The following KCNJ12 variants were observed in gnomAD, a reference collection of about 807,000 sequenced individuals.
KCNJ12 encodes potassium inwardly rectifying channel subfamily J member 12.
In KCNJ12, 2 loss-of-function variants were observed where a neutral mutation model predicts 22.3. The ratio of observed to expected loss-of-function variants is 0.09; its 90% CI spans 0.04 to 0.28. The LOEUF is 0.28. Ranked by LOEUF, KCNJ12 falls within the 10% of genes least tolerant of loss-of-function variation. The probability of loss-of-function intolerance (pLI) is 1.00; values close to 1 mark genes in which losing one functional copy is unlikely to be tolerated. For missense variants in KCNJ12, 155 were observed against 633.3 expected (o/e 0.24, Z 8.11); for synonymous variants, 117 against 261.4 (o/e 0.45, Z 5.33).
intron 1 of KCNJ12, among the ~76,000 whole-genome samples, chr17:21,392,495 G>C (rs1905234189): frequency 6.6e-6 from 1 of 152,396 alleles, no homozygotes; most frequent in East Asian, 1.9e-4. Flanking sequence ...CAGGGGCCCA[G>C]CTGGTCCCCA....
At chr17:21,387,998 C>T (rs1480955449) in intron 1 of KCNJ12, among the ~76,000 whole-genome samples, 1 of 152,188 alleles carries the variant, frequency 6.6e-6, no homozygotes, top group Non-Finnish European at 1.5e-5. Context: ...TCCCCCACTG[C>T]TGAGGCCACC....
chr17:21,418,225 G>T lies in KCNJ12; in HGVS notation c.*1581G>T, dbSNP rs1233755889. ...TGCGGAGAAAACCTGCTCTCTTCTA[G>T]TCGGGCTTCTCCAGAAGCCAGTAAT... On this transcript the variant is annotated 3_prime_UTR_variant, in exon 3 of 3. Transcript: ENST00000583088. 3 of 167,042 alleles carry T rather than the reference G, an allele frequency of 1.8e-5. No homozygotes were observed. Among genetic ancestry groups the T allele is most frequent in the African/African-American group, 7.2e-5 (3 of 41,398 alleles). The allele number at this position is 167,042 out of a possible 1,614,324, so 10.3% of individuals were successfully genotyped here. A position where few individuals can be genotyped will look rare whatever the true frequency, so the allele number is the denominator to read the frequency against.
intron 1 of KCNJ12, among the ~76,000 whole-genome samples, chr17:21,377,169 C>G (rs1904685743): frequency 6.6e-6 from 1 of 152,230 alleles, no homozygotes; most frequent in Non-Finnish European, 1.5e-5. Context: ...TTGCTCCTGG[C>G]TAACCTTCGT....
intron 1 of KCNJ12, among the ~76,000 whole-genome samples, chr17:21,382,732 C>T (rs1319440312): frequency 1.3e-5 from 2 of 152,050 alleles, no homozygotes; most frequent in South Asian, 4.1e-4. Context: ...TGGTCCTGGG[C>T]CTCAGCCAGG....
chr17:21,406,840 G>A (rs1177631700), intron 1 of KCNJ12, among the ~76,000 whole-genome samples: 1 of 152,306 alleles, frequency 6.6e-6, no homozygotes, highest in Non-Finnish European at 1.5e-5. Context: ...TGAACTCCCT[G>A]GCTGGGAGGT....
rs1413033772 is a variant in KCNJ12 at position 21,419,610 on chromosome 17, T to A, written c.*2966T>A. The stretch of plus-strand genomic sequence containing the variant: ...GTGTCTGTGTGCAGCCTATGCCTGC[T>A]GCTCAGAGCACGGTGGCCACCCCCT... On this transcript the variant is annotated 3_prime_UTR_variant, in exon 3 of 3. Coordinates refer to ENST00000583088, the MANE Select transcript of KCNJ12 (RefSeq NM_021012.5). 3 of 167,526 alleles carry A rather than the reference T, an allele frequency of 1.8e-5. No homozygotes were observed. Among genetic ancestry groups the A allele is most frequent in the East Asian group, 3.9e-4 (2 of 5,182 alleles). The allele number at this position is 167,526 out of a possible 1,614,324, so 10.4% of individuals were successfully genotyped here.
chr17:21,391,579 C>T (rs543015870), intron 1 of KCNJ12, among the ~76,000 whole-genome samples: 12 of 152,376 alleles, frequency 7.9e-5, no homozygotes, highest in African/African-American at 2.6e-4. Flanking sequence ...TTGCGGCGCT[C>T]CGCCCAGCCC....
intron 1 of KCNJ12, among the ~76,000 whole-genome samples, chr17:21,403,182 A>G (rs556805248): frequency 1.3e-5 from 2 of 152,424 alleles, no homozygotes; most frequent in African/African-American, 4.8e-5. Flanking sequence ...TTTCATGGTG[A>G]GGGGCGAGCT....
chr17:21,407,148 C>G (rs1314658360), intron 1 of KCNJ12, among the ~76,000 whole-genome samples: 1 of 152,422 alleles, frequency 6.6e-6, no homozygotes. Context: ...CATCTACCCA[C>G]TCATCACCCA....
intron 2 of KCNJ12, among the ~76,000 whole-genome samples, chr17:21,409,413 C>T (rs1460101625): frequency 4.9e-3 from 748 of 151,624 alleles, no homozygotes; most frequent in Admixed American, 0.038. Context: ...GCCCAGGAGA[C>T]AAAGGTTCCA....
intron 1 of KCNJ12, among the ~76,000 whole-genome samples, chr17:21,383,489 C>T (rs1210722561): frequency 1.3e-5 from 2 of 152,162 alleles, no homozygotes; most frequent in African/African-American, 2.4e-5. Context: ...AGATGGAGAC[C>T]TGGGGCTTCC....
chr17:21,397,508 C>T (rs1339851234), intron 1 of KCNJ12, among the ~76,000 whole-genome samples: 3 of 152,218 alleles, frequency 2.0e-5, no homozygotes, highest in African/African-American at 4.8e-5. Context: ...GTCTGTGGGT[C>T]GTCCTCCCGC....
intron 1 of KCNJ12, among the ~76,000 whole-genome samples, chr17:21,404,395 G>A (rs4997622): frequency 0.014 from 2,033 of 143,504 alleles, 2 homozygotes; most frequent in Non-Finnish European, 0.023. Context: ...TAGACACCTC[G>A]CCTGGGCTCC....
At chr17:21,411,429 G>C in intron 2 of KCNJ12, among the ~76,000 whole-genome samples, 1 of 152,210 alleles carries the variant, frequency 6.6e-6, no homozygotes, top group Non-Finnish European at 1.5e-5. Flanking sequence ...TCTCCCTCCT[G>C]GGTTTGCTTC....
intron 1 of KCNJ12, among the ~76,000 whole-genome samples, chr17:21,395,318 C>T (rs546674841): frequency 4.9e-5 from 7 of 143,620 alleles, no homozygotes; most frequent in Non-Finnish European, 7.5e-5. Context: ...AAAAAAACGG[C>T]GCACAGTGAC....
rs530139888 is a variant in KCNJ12, at chr17:21,376,417, G to C, written c.-675G>C. The C allele has an allele frequency of 6.6e-6, 1 of 151,912 alleles. No homozygotes were observed. Among genetic ancestry groups the C allele is most frequent in the East Asian group, 2.0e-4 (1 of 5,108 alleles). The allele number at this position is 151,912 out of a possible 1,614,324, so 9.4% of individuals were successfully genotyped here. On this transcript the variant is annotated 5_prime_UTR_variant, in exon 1 of 3. Transcript: ENST00000583088. The surrounding 1 kb of genome is among the most constrained non-coding windows in gnomAD (Gnocchi z 5.3). ...GGAGCTGGGTGCGCGCCGAGCCTCT[G>C]CCTCCCGCCGCCTCCTCGCCCTCCA...
chr17:21,404,031 C>T (rs1236358417), intron 1 of KCNJ12, among the ~76,000 whole-genome samples: 1 of 152,242 alleles, frequency 6.6e-6, no homozygotes, highest in East Asian at 1.9e-4. Context: ...GCCTCGGCCT[C>T]TGTGCCTGCA....
chr17:21,396,346 C>T (rs548426454), intron 1 of KCNJ12, among the ~76,000 whole-genome samples: 30 of 152,332 alleles, frequency 2.0e-4, no homozygotes, highest in Middle Eastern at 3.4e-3. Flanking sequence ...GCCAGCTCGC[C>T]GCAAAGCCCT....
intron 2 of KCNJ12, among the ~76,000 whole-genome samples, chr17:21,410,540 A>G (rs1271282858): frequency 1.3e-5 from 2 of 152,288 alleles, no homozygotes; most frequent in African/African-American, 2.4e-5. Context: ...CTTGATCATG[A>G]GGTAGAGTGC....
Sources: allele counts gnomAD v4.1 joint callset (sites outside exome capture counted in the v4.1 genomes callset), GRCh38; gene constraint gnomAD v4.1.1; non-coding constraint Gnocchi (gnomAD v3.1); transcripts MANE v1.5; gene names NCBI Gene and HGNC (gene_info 2026-07-23, HGNC 2026-07-21).